OSBPL9: variants seen among roughly 807,000 people sequenced by gnomAD.
OSBPL9 encodes oxysterol-binding protein-related protein 9.
OSBPL9 carries 40 observed loss-of-function variants against 106.6 expected under a neutral mutation model. The ratio of observed to expected loss-of-function variants is 0.38; its 90% CI spans 0.29 to 0.49. The LOEUF is 0.49. Ranked by LOEUF, OSBPL9 falls within the 20% of genes least tolerant of loss-of-function variation. The pLI is 0.97. For missense variants in OSBPL9, 609 were observed against 887.2 expected (o/e 0.69, Z 3.98); for synonymous variants, 269 against 295.4 (o/e 0.91, Z 0.92).
chr1:51,618,437 G>C (rs1644220729), intron 1 of OSBPL9, among the ~76,000 whole-genome samples: 1 of 152,140 alleles, frequency 6.6e-6, no homozygotes, highest in Non-Finnish European at 1.5e-5. Flanking sequence ...TATAGTTGAC[G>C]ATAGCCGATA....
upstream of OSBPL9, chr1:51,617,047 C>G (rs762366348): frequency 3.9e-6 from 6 of 1,544,228 alleles, no homozygotes; most frequent in African/African-American, 1.4e-5. Flanking sequence ...CCCCGCCCCC[C>G]GCATGCTGAA....
At chr1:51,588,891 G>T (rs1290391283) in intron 1 of OSBPL9, among the ~76,000 whole-genome samples, 3 of 152,118 alleles carry the variant, frequency 2.0e-5, no homozygotes, top group Non-Finnish European at 4.4e-5. Flanking sequence ...AGTTTCTGAA[G>T]CTATAGCAGT....
chr1:51,769,516 A>G (rs1301383526), intron 12 of OSBPL9, among the ~76,000 whole-genome samples: 2 of 152,196 alleles, frequency 1.3e-5, no homozygotes, highest in Non-Finnish European at 2.9e-5. Flanking sequence ...TTAGGGTTGT[A>G]ATGTAGATAT....
At chr1:51,721,690 G>A (rs1382781757) in intron 4 of OSBPL9, among the ~76,000 whole-genome samples, 2 of 152,044 alleles carry the variant, frequency 1.3e-5, no homozygotes, top group African/African-American at 2.4e-5. Context: ...TATAAGGATC[G>A]GTTTATCACA....
chr1:51,733,291 G>A (rs1282230270), intron 4 of OSBPL9, among the ~76,000 whole-genome samples: 1 of 152,150 alleles, frequency 6.6e-6, no homozygotes, highest in African/African-American at 2.4e-5. Context: ...CACATAGTAG[G>A]TGTTCAGTAA....
At chr1:51,543,152 G>A in the OSBPL9 span, among the ~76,000 whole-genome samples, 1 of 152,134 alleles carries the variant, frequency 6.6e-6, no homozygotes, top group Non-Finnish European at 1.5e-5. Flanking sequence ...ATTTCTCCAA[G>A]GAAACAGATC....
Position 51,644,300 on chromosome 1 carries a change from A to C in OSBPL9, c.112-7691A>C, listed in dbSNP as rs181943940. On this transcript the variant is annotated intron_variant, in intron 1 of 23. Transcript: ENST00000428468. The stretch of plus-strand genomic sequence containing the variant: ...GATTGGATGGAAGAGAGACAGGATC[A>C]CGAGTTAGTTTTATACATATTGAGT... Among the ~76,000 whole-genome samples the C allele has an allele frequency of 1.4e-3, 209 of 152,184 alleles. 1 individual carries two copies. The highest frequency in any genetic ancestry group is 4.9e-3 in the African/African-American group (203 of 41,524).
At chr1:51,533,985 T>C in the OSBPL9 span, among the ~76,000 whole-genome samples, 2 of 151,624 alleles carry the variant, frequency 1.3e-5, no homozygotes, top group Admixed American at 1.3e-4. Flanking sequence ...GGCAGGTGGA[T>C]CATGAGGTCA....
At chr1:51,637,858 T>C (rs184169464) in intron 1 of OSBPL9, among the ~76,000 whole-genome samples, 1 of 152,356 alleles carries the variant, frequency 6.6e-6, no homozygotes, top group African/African-American at 2.4e-5. Flanking sequence ...GCATTAGATA[T>C]TGACATCAAG....
chr1:51,676,513 C>T (rs1406612391), intron 3 of OSBPL9, among the ~76,000 whole-genome samples: 1 of 151,462 alleles, frequency 6.6e-6, no homozygotes, highest in Non-Finnish European at 1.5e-5. Context: ...CGCTAATTAG[C>T]CGGGAGTGGT....
intron 1 of OSBPL9, among the ~76,000 whole-genome samples, chr1:51,640,581 A>G (rs981786896): frequency 6.6e-6 from 1 of 152,266 alleles, no homozygotes; most frequent in African/African-American, 2.4e-5. Context: ...AACCGGGGAA[A>G]AGGTTTCCCC....
chr1:51,547,173 A>G, the OSBPL9 span, among the ~76,000 whole-genome samples: 2 of 152,242 alleles, frequency 1.3e-5, no homozygotes, highest in African/African-American at 4.8e-5. Context: ...ATTCTTATGC[A>G]GGCACATAGG....
chr1:51,747,839 G>T (rs1018068443), intron 6 of OSBPL9, among the ~76,000 whole-genome samples: 2 of 152,112 alleles, frequency 1.3e-5, no homozygotes, highest in Non-Finnish European at 2.9e-5. Flanking sequence ...GCCCAGGCTG[G>T]AGTGCAGTGG....
intron 2 of OSBPL9, among the ~76,000 whole-genome samples, chr1:51,606,650 G>T (rs1643950470): frequency 6.6e-6 from 1 of 152,230 alleles, no homozygotes; most frequent in African/African-American, 2.4e-5. Context: ...GGCAAATTCA[G>T]AGCTGACATA....
intron 2 of OSBPL9, among the ~76,000 whole-genome samples, chr1:51,601,622 G>A (rs955492719): frequency 6.6e-6 from 1 of 152,208 alleles, no homozygotes; most frequent in African/African-American, 2.4e-5. Context: ...CAAAGAGAGT[G>A]CCTGTTTCTA....
chr1:51,519,159 A>G, the OSBPL9 span: 1 of 1,407,848 alleles, frequency 7.1e-7, no homozygotes, highest in Non-Finnish European at 9.4e-7. Context: ...GGGAGGGGGC[A>G]CCGGCCGGCC....
At chr1:51,695,755 GATA>G (rs1655894193) in intron 3 of OSBPL9, among the ~76,000 whole-genome samples, 1 of 152,126 alleles carries the variant, frequency 6.6e-6, no homozygotes, top group South Asian at 2.1e-4. Context: ...AGAAAATAAG[GATA>G]ATAATAATAC....
intron 1 of OSBPL9, among the ~76,000 whole-genome samples, chr1:51,620,609 A>G (rs1023142264): frequency 6.6e-6 from 1 of 152,122 alleles, no homozygotes; most frequent in African/African-American, 2.4e-5. Context: ...AGACAAAGGG[A>G]ATAAAAGTTT....
intron 3 of OSBPL9, among the ~76,000 whole-genome samples, chr1:51,673,495 T>C (rs1401522806): frequency 1.3e-5 from 2 of 152,192 alleles, no homozygotes; most frequent in Non-Finnish European, 2.9e-5. Flanking sequence ...GAAGAATTGA[T>C]GATGCAAGAG....
Sources: gnomAD v4.1 joint callset for allele counts (sites outside exome capture counted in the v4.1 genomes callset) on GRCh38, gnomAD v4.1.1 for gene constraint, MANE v1.5 for transcripts, NCBI Gene and HGNC (gene_info 2026-07-23, HGNC 2026-07-21) for gene names.